Variants in IQCK observed in about 807,000 individuals in gnomAD.
IQCK encodes IQ domain-containing protein K.
IQCK carries 29 observed loss-of-function variants against 28.1 expected under a neutral mutation model. The observed-to-expected ratio is 1.03, with a 90% CI of 0.77 to 1.41. The LOEUF is 1.41. IQCK is among the 40% of genes most tolerant of loss of function. The pLI is 0.00. For synonymous variants in IQCK, 113 were observed against 115.1 expected, an observed-to-expected ratio of 0.98 and a Z score of 0.12; for missense variants, 359 against 314.7, an observed-to-expected ratio of 1.14 and a Z score of -1.07.
downstream of IQCK, among the ~76,000 whole-genome samples, chr16:19,829,600 G>C (rs559040380): frequency 5.1e-4 from 77 of 152,192 alleles, no homozygotes; most frequent in African/African-American, 1.9e-3. Flanking sequence ...GCCTCCCAAA[G>C]TGCTGGGATT....
At chr16:19,823,525 C>T (rs766538249) in intron 7 of IQCK, among the ~76,000 whole-genome samples, 10 of 152,204 alleles carry the variant, frequency 6.6e-5, no homozygotes, top group Admixed American at 4.6e-4. Context: ...GAGGGGACCA[C>T]GGCCTAGAGA....
chr16:19,748,480 C>T (rs1484981106), intron 4 of IQCK, among the ~76,000 whole-genome samples: 5 of 152,152 alleles, frequency 3.3e-5, no homozygotes, highest in African/African-American at 4.8e-5. Flanking sequence ...TGTAGTACAT[C>T]GTAGTAATAT....
intron 4 of IQCK, among the ~76,000 whole-genome samples, chr16:19,756,667 A>G (rs888641547): frequency 2.6e-5 from 4 of 152,116 alleles, no homozygotes; most frequent in African/African-American, 2.4e-5. Context: ...CCAGCGGATC[A>G]TGAGGTCAGG....
chr16:19,721,199 C>A (rs542969924), intron 1 of IQCK, among the ~76,000 whole-genome samples: 11 of 152,168 alleles, frequency 7.2e-5, no homozygotes, highest in East Asian at 3.9e-4. Flanking sequence ...GTAATCCTAT[C>A]TTTGAGATTA....
intron 4 of IQCK, among the ~76,000 whole-genome samples, chr16:19,759,765 C>T (rs1170248643): frequency 2.6e-5 from 4 of 152,166 alleles, no homozygotes; most frequent in Admixed American, 6.5e-5. Context: ...ATCACTTGAG[C>T]GCAAGAGATT....
At position 19,838,605 on chromosome 16, in the gene IQCK, C is replaced by T. The variant is rs184409036; in HGVS notation, c.802+11468C>T. Among the ~76,000 whole-genome samples, 159 of 152,312 alleles carry T rather than the reference C, an allele frequency of 1.0e-3. 1 individual carries two copies. Among genetic ancestry groups the T allele is most frequent in the Non-Finnish European group, 7.3e-5 (5 of 68,030 alleles). On this transcript the variant is annotated intron_variant, in intron 9 of 9. Coordinates refer to the IQCK transcript ENST00000320394. ...GCATTGCCTACCTGTGGCTGCCAAA[C>T]GTTGCGTGTCTGCAAAGATCCGCAA...
intron 4 of IQCK, among the ~76,000 whole-genome samples, chr16:19,758,175 C>G (rs1427950068): frequency 6.6e-6 from 1 of 152,136 alleles, no homozygotes; most frequent in Admixed American, 6.6e-5. Context: ...TAATTTCTTT[C>G]TCTCCTACTT....
At chr16:19,777,394 C>T (rs750186777) in intron 6 of IQCK, among the ~76,000 whole-genome samples, 3 of 151,978 alleles carry the variant, frequency 2.0e-5, no homozygotes, top group Non-Finnish European at 4.4e-5. Flanking sequence ...AACTGCATTT[C>T]GTACTAAAGA....
chr16:19,743,170 CAAATAAAT>C (rs137913243), intron 4 of IQCK, among the ~76,000 whole-genome samples: 1 of 151,514 alleles, frequency 6.6e-6, no homozygotes, highest in African/African-American at 2.4e-5. Context: ...GATTCTGTCT[CAAATAAAT>C]AAATAAATAA....
intron 1 of IQCK, among the ~76,000 whole-genome samples, chr16:19,725,672 A>C (rs974537971): frequency 6.6e-6 from 1 of 152,224 alleles, no homozygotes; most frequent in Non-Finnish European, 1.5e-5. Context: ...ATGTAAAAGC[A>C]TCAGTCTGTA....
intron 5 of IQCK, 62 bp downstream of exon 5, chr16:19,763,962 C>T: frequency 1.9e-6 from 3 of 1,590,832 alleles, no homozygotes; most frequent in Middle Eastern, 1.7e-4. Context: ...AATTTGCAAG[C>T]AGAATAGCAA....
intron 4 of IQCK, among the ~76,000 whole-genome samples, chr16:19,751,578 A>G (rs2054987162): frequency 6.6e-6 from 1 of 152,216 alleles, no homozygotes; most frequent in African/African-American, 2.4e-5. Context: ...GTTGGGGTCC[A>G]GGTAGGCAAT....
intron 6 of IQCK, among the ~76,000 whole-genome samples, chr16:19,764,560 G>C (rs1165587766): frequency 6.6e-6 from 1 of 152,020 alleles, no homozygotes; most frequent in African/African-American, 2.4e-5. Flanking sequence ...TCTAATATGG[G>C]TGTCCTCCCC....
intron 4 of IQCK, among the ~76,000 whole-genome samples, chr16:19,753,471 G>A (rs993784807): frequency 6.6e-6 from 1 of 152,060 alleles, no homozygotes; most frequent in African/African-American, 2.4e-5. Flanking sequence ...CTTTGGAATA[G>A]GTCCTTGGAA....
In IQCK at chr16:19,825,068, A is replaced by C. The variant is rs1274180228; in HGVS notation, c.691-1958A>C. On this transcript the variant is annotated intron_variant, in intron 7 of 7. Transcript: ENST00000564186. This position sits in a 1 kb window ranked among gnomAD's most constrained non-coding sequence, Gnocchi z 4.2. ...ATCTTATTCCTGTGTCTCCTCCTAC[A>C]CTTTAAGTTTCTCAAAGGCAGCTGG... Among the ~76,000 whole-genome samples the C allele has an allele frequency of 6.6e-6, 1 of 151,932 alleles. No individual in the cohort carries two copies. Among genetic ancestry groups the C allele is most frequent in the Non-Finnish European group, 1.5e-5 (1 of 68,010 alleles).
intron 4 of IQCK, among the ~76,000 whole-genome samples, chr16:19,740,973 A>AT (rs2054825367): frequency 6.6e-6 from 1 of 151,638 alleles, no homozygotes; most frequent in African/African-American, 2.4e-5. Context: ...ATCTAAAAAA[A>AT]AAAAAAAAAA....
chr16:19,722,294 G>A (rs914943605), intron 1 of IQCK, among the ~76,000 whole-genome samples: 2 of 152,164 alleles, frequency 1.3e-5, no homozygotes, highest in African/African-American at 4.8e-5. Flanking sequence ...CGTGGAAGAA[G>A]CTCTCACCCC....
rs766859427 is a variant in IQCK at position 19,718,427 on chromosome 16, GTC to G, written c.124_125del (p.Ser42ValfsTer21). The stretch of plus-strand genomic sequence containing the variant: ...GTCTCTCGCGTCCCGCGAGCTGCCT[GTC>G]TCGTCGTGGCAGGTCACCGAGCCGT... On this transcript the variant is annotated frameshift_variant, in exon 1 of 8. Transcript: ENST00000564186. LOFTEE classifies it high-confidence loss of function. The G allele has an allele frequency of 1.4e-5, 23 of 1,607,562 alleles. No individual in the cohort carries two copies. In the South Asian group the frequency reaches 2.6e-4, roughly 18 times the overall value.
downstream of IQCK, among the ~76,000 whole-genome samples, chr16:19,830,266 A>G (rs1033630432): frequency 6.6e-6 from 1 of 152,230 alleles, no homozygotes; most frequent in Non-Finnish European, 1.5e-5. Flanking sequence ...AAGGTCGAGG[A>G]AAGTGCAGCA....
Sources: allele counts gnomAD v4.1 joint callset (sites outside exome capture counted in the v4.1 genomes callset), GRCh38; gene constraint gnomAD v4.1.1; non-coding constraint Gnocchi (gnomAD v3.1); transcripts MANE v1.5; gene names NCBI Gene and HGNC (gene_info 2026-07-23, HGNC 2026-07-21).